TG: variants seen among roughly 807,000 people sequenced by gnomAD.
TG encodes the protein thyroid hormones.
In TG, 270 loss-of-function variants were observed where a neutral mutation model predicts 324.7. The observed-to-expected ratio is 0.83, with a 90% CI of 0.75 to 0.92. The LOEUF (loss-of-function observed/expected upper bound fraction) is 0.92. Ranked by LOEUF, TG falls within the 40% of genes least tolerant of loss-of-function variation. The pLI, the probability that TG is intolerant of heterozygous loss-of-function variation, is 0.00. For missense variants in TG, 3,591 were observed against 3,456.4 expected (o/e 1.04, Z -0.98); for synonymous variants, 1,401 against 1,327.0 (o/e 1.06, Z -1.21).
At chr8:132,899,128 C>A (rs1167184224) in intron 14 of TG, 2 of 589,198 alleles carry the variant, frequency 3.4e-6, no homozygotes, top group African/African-American at 3.7e-5. Flanking sequence ...TAAGATCAGG[C>A]CACATTTTGT....
intron 1 of TG, 137 bp downstream of exon 1, chr8:132,867,204 TTTC>T: frequency 1.2e-6 from 1 of 802,436 alleles, no homozygotes. Context: ...GCTTTTTTTT[TTTC>T]AGATGAAGAG....
In TG at chr8:132,969,481, A is replaced by C; in HGVS notation, c.5887A>C (p.Asn1963His). 1.2e-6 allele frequency: 2 copies of C among 1,613,710 alleles called. No homozygotes were observed. Among genetic ancestry groups the C allele is most frequent in the Non-Finnish European group, 1.7e-6 (2 of 1,179,654 alleles). Residue 1963 changes from asparagine (N) to histidine (H), a missense_variant, in exon 32 of 48, where the codon AAC becomes CAC. Transcript: ENST00000220616. ...AGTTATACTGGAAGATAAAGTGAAG[A>C]ACTTTTACACTCGCCTGCCGTTCCA... ...KKVILEDKVK[N>H]FYTRLPFQKL...
chr8:133,021,169 A>G (rs1162359127), intron 39 of TG, among the ~76,000 whole-genome samples: 1 of 152,144 alleles, frequency 6.6e-6, no homozygotes, highest in Non-Finnish European at 1.5e-5. Flanking sequence ...TCAAATGTGG[A>G]TAATAAGAAT....
chr8:133,052,842 G>A (rs746473936), intron 41 of TG, among the ~76,000 whole-genome samples: 3 of 152,240 alleles, frequency 2.0e-5, no homozygotes, highest in Non-Finnish European at 4.4e-5. Context: ...CTGCCCAGAA[G>A]CTGAGGCTGA....
chr8:133,079,999 C>G (rs1280542649), intron 41 of TG, among the ~76,000 whole-genome samples: 1 of 151,924 alleles, frequency 6.6e-6, no homozygotes, highest in Non-Finnish European at 1.5e-5. Flanking sequence ...TTTTGAACCC[C>G]TTCAATGTGT....
At chr8:132,905,296 T>G (rs964967879) in intron 16 of TG, among the ~76,000 whole-genome samples, 8 of 152,176 alleles carry the variant, frequency 5.3e-5, no homozygotes, top group Non-Finnish European at 8.8e-5. Context: ...ATAGGTGAAC[T>G]CTTGCCATCC....
chr8:133,094,004 A>G (rs559662040), intron 41 of TG, among the ~76,000 whole-genome samples: 2 of 152,280 alleles, frequency 1.3e-5, no homozygotes, highest in South Asian at 4.1e-4. Context: ...TGGCACTGGT[A>G]TCACCACCAC....
intron 20 of TG, among the ~76,000 whole-genome samples, chr8:132,917,140 A>G (rs1358793983): frequency 6.7e-6 from 1 of 150,174 alleles, no homozygotes; most frequent in Non-Finnish European, 1.5e-5. Context: ...TCAAAATATT[A>G]TATGCCATGT....
chr8:132,911,127 T>G (rs1347620960), intron 18 of TG, among the ~76,000 whole-genome samples: 1 of 152,224 alleles, frequency 6.6e-6, no homozygotes, highest in Non-Finnish European at 1.5e-5. Flanking sequence ...GGGCTTTTGA[T>G]GCATGGAGCC....
At chr8:133,092,143 G>A (rs1372916805) in intron 41 of TG, among the ~76,000 whole-genome samples, 2 of 152,080 alleles carry the variant, frequency 1.3e-5, no homozygotes, top group Non-Finnish European at 2.9e-5. Context: ...TAACTCCCAG[G>A]ATCCTCTGAG....
At chr8:132,950,443 A>G (rs1342536599) in intron 27 of TG, among the ~76,000 whole-genome samples, 2 of 152,178 alleles carry the variant, frequency 1.3e-5, no homozygotes, top group African/African-American at 4.8e-5. Flanking sequence ...CTCCCAGGGA[A>G]GCTTCTGAGA....
In TG at chr8:132,920,688, GA is replaced by G. The variant is rs1820979370; in HGVS notation, c.4528+1164del. Among the ~76,000 whole-genome samples the G allele has an allele frequency of 2.0e-5, 3 of 152,338 alleles. No individual in the cohort carries two copies. In the South Asian group the frequency reaches 6.2e-4, roughly 32 times the overall value. On this transcript the variant is annotated intron_variant, in intron 21 of 47. Coordinates refer to ENST00000220616, the MANE Select transcript of TG (RefSeq NM_003235.5). ...TGAGCCTTGTTTATGGAGGGGATAT[GA>G]CAGAAATGGCAGGAATAGAGGACAC...
chr8:133,116,877 G>A (rs528786431), intron 45 of TG, among the ~76,000 whole-genome samples, 161 bp downstream of exon 45: 11 of 124,654 alleles, frequency 8.8e-5, no homozygotes, highest in African/African-American at 2.1e-4. Context: ...TCTTGCAGGC[G>A]GGGAAAGTTA....
At chr8:133,132,615 G>GA (rs1349481139) in intron 46 of TG, among the ~76,000 whole-genome samples, 1 of 152,092 alleles carries the variant, frequency 6.6e-6, no homozygotes, top group Non-Finnish European at 1.5e-5. Context: ...TGATTACCTA[G>GA]AACTGTGCTA....
At chr8:133,097,683 A>G (rs1281525598) in intron 43 of TG, among the ~76,000 whole-genome samples, 1 of 152,256 alleles carries the variant, frequency 6.6e-6, no homozygotes, top group African/African-American at 2.4e-5. Context: ...GAGTAAAAAG[A>G]TTCACAACAT....
chr8:132,904,380 A>T (rs1460199219), intron 16 of TG, among the ~76,000 whole-genome samples: 1 of 152,240 alleles, frequency 6.6e-6, no homozygotes, highest in African/African-American at 2.4e-5. Flanking sequence ...CTAAAGTAGC[A>T]GTAAGAATCC....
intron 27 of TG, 106 bp downstream of exon 27, chr8:132,949,049 C>A: frequency 3.2e-5 from 30 of 934,964 alleles, no homozygotes; most frequent in Non-Finnish European, 4.1e-5. Context: ...GGAGCTTATA[C>A]TTCTGAAAAA....
At chr8:132,919,268 A>C in intron 20 of TG, 108 bp from the exon 21 acceptor site, 2 of 1,162,316 alleles carry the variant, frequency 1.7e-6, no homozygotes, top group Non-Finnish European at 2.5e-6. Flanking sequence ...TGTTAAATGA[A>C]TGAGCTCTTG....
At chr8:133,060,986 A>T (rs1842288729) in intron 41 of TG, among the ~76,000 whole-genome samples, 1 of 152,150 alleles carries the variant, frequency 6.6e-6, no homozygotes, top group African/African-American at 2.4e-5. Flanking sequence ...TACAAGCTAG[A>T]TGACTTCGGG....
Sources: gnomAD v4.1 joint callset for allele counts (sites outside exome capture counted in the v4.1 genomes callset) on GRCh38, gnomAD v4.1.1 for gene constraint, MANE v1.5 for transcripts, NCBI Gene and HGNC (gene_info 2026-07-23, HGNC 2026-07-21) for gene names.